The following HPSE2 variants were observed in gnomAD, a reference collection of about 807,000 sequenced individuals.
HPSE2 encodes the protein inactive heparanase-2.
A neutral mutation model predicts 60.5 loss-of-function variants in HPSE2; 38 were observed. The observed-to-expected ratio is 0.63, with a 90% CI of 0.48 to 0.82. The LOEUF is 0.82. HPSE2 is among the 40% of genes least tolerant of loss of function. The pLI is 0.00. For missense variants in HPSE2, 713 were observed against 740.4 expected, an observed-to-expected ratio of 0.96 and a Z score of 0.43; for synonymous variants, 295 against 293.2, an observed-to-expected ratio of 1.01 and a Z score of -0.06.
chr10:99,081,801 T>C (rs1425964145), intron 3 of HPSE2, among the ~76,000 whole-genome samples: 1 of 152,016 alleles, frequency 6.6e-6, no homozygotes, highest in Non-Finnish European at 1.5e-5. Flanking sequence ...CATGCCTGGC[T>C]AATTTTTTGT....
chr10:98,555,837 A>G (rs751480180), intron 9 of HPSE2, among the ~76,000 whole-genome samples: 3 of 152,226 alleles, frequency 2.0e-5, no homozygotes, highest in Non-Finnish European at 4.4e-5. Flanking sequence ...GCCATTATCA[A>G]TGAAGCAAGT....
At chr10:99,065,984 C>CATAAGTACAAGGCATAAAGTGA (rs1842602895) in intron 3 of HPSE2, among the ~76,000 whole-genome samples, 1 of 151,132 alleles carries the variant, frequency 6.6e-6, no homozygotes, top group Non-Finnish European at 1.5e-5. Context: ...CACAGAAATC[C>CATAAGTACAAGGCATAAAGTGA]ATAAGTACAA....
At chr10:99,206,948 T>C (rs1181145284) in intron 2 of HPSE2, among the ~76,000 whole-genome samples, 1 of 151,620 alleles carries the variant, frequency 6.6e-6, no homozygotes, top group African/African-American at 2.4e-5. Flanking sequence ...GGTATAAGAG[T>C]TCAAAAAGAA....
intron 9 of HPSE2, among the ~76,000 whole-genome samples, chr10:98,531,495 C>T (rs1484876213): frequency 6.6e-6 from 1 of 152,122 alleles, no homozygotes; most frequent in Non-Finnish European, 1.5e-5. Context: ...ATCTACTGTA[C>T]TCTGGGCCTG....
intron 3 of HPSE2, chr10:99,048,023 G>T: frequency 1.5e-6 from 1 of 688,002 alleles, no homozygotes; most frequent in Non-Finnish European, 2.6e-6. Flanking sequence ...CAACAAGGCT[G>T]CAATTAATAT....
intron 5 of HPSE2, among the ~76,000 whole-genome samples, chr10:98,703,446 T>C (rs1221922282): frequency 2.0e-5 from 3 of 150,042 alleles, no homozygotes; most frequent in African/African-American, 4.9e-5. Flanking sequence ...GCCAGCATCA[T>C]CCTGATACCA....
intron 11 of HPSE2, chr10:98,461,870 T>G (rs533846709): frequency 7.7e-7 from 1 of 1,304,442 alleles, no homozygotes; most frequent in South Asian, 1.3e-5. Context: ...AAATCTATAC[T>G]AATAAGGAGT....
chr10:98,501,398 T>A (rs1318871307), intron 9 of HPSE2, among the ~76,000 whole-genome samples: 1 of 152,184 alleles, frequency 6.6e-6, no homozygotes, highest in Non-Finnish European at 1.5e-5. Flanking sequence ...GTTTATCATA[T>A]GCAAGTCAAT....
intron 2 of HPSE2, among the ~76,000 whole-genome samples, chr10:99,172,699 G>A (rs1011074384): frequency 5.3e-5 from 8 of 152,138 alleles, no homozygotes; most frequent in African/African-American, 1.2e-4. Flanking sequence ...CCAACGCGGT[G>A]AAAACCTGTC....
chr10:98,535,015 C>T (rs560897425), intron 9 of HPSE2, among the ~76,000 whole-genome samples: 14 of 152,228 alleles, frequency 9.2e-5, no homozygotes, highest in South Asian at 6.2e-4. Context: ...CCCTTCCACC[C>T]GCCTCTCAGA....
intron 3 of HPSE2, among the ~76,000 whole-genome samples, chr10:99,037,678 G>A (rs973088823): frequency 6.6e-6 from 1 of 151,902 alleles, no homozygotes; most frequent in Non-Finnish European, 1.5e-5. Context: ...GAAATAAAAT[G>A]AGAGAAGACT....
chr10:99,128,971 C>T (rs770224593), intron 3 of HPSE2, among the ~76,000 whole-genome samples: 6 of 152,000 alleles, frequency 3.9e-5, no homozygotes, highest in Admixed American at 6.6e-5. Context: ...CCCATGCAAA[C>T]GGACACCAAA....
intron 3 of HPSE2, among the ~76,000 whole-genome samples, chr10:98,836,010 C>G (rs1237199710): frequency 6.6e-6 from 1 of 152,096 alleles, no homozygotes; most frequent in Non-Finnish European, 1.5e-5. Context: ...TTACAGCAAT[C>G]GATCAAAAGG....
chr10:98,519,407 A>G (rs901742637), intron 9 of HPSE2, among the ~76,000 whole-genome samples: 3 of 152,212 alleles, frequency 2.0e-5, no homozygotes, highest in African/African-American at 7.2e-5. Flanking sequence ...AAAGGAGTAC[A>G]AGCCCCTGTG....
intron 3 of HPSE2, among the ~76,000 whole-genome samples, chr10:99,031,203 T>C (rs1287219871): frequency 6.6e-6 from 1 of 152,172 alleles, no homozygotes; most frequent in African/African-American, 2.4e-5. Context: ...TTCTCCAAGA[T>C]GTGCTTATTT....
intron 3 of HPSE2, among the ~76,000 whole-genome samples, chr10:98,960,169 T>C (rs1955615448): frequency 1.3e-5 from 2 of 152,150 alleles, no homozygotes; most frequent in Non-Finnish European, 2.9e-5. Flanking sequence ...AGAAAGTTAT[T>C]CTATTTTCAT....
chr10:99,308,398 G>GAAAAAAAAAAAAAAAAAAAAAAAAAAAAA, the HPSE2 span, among the ~76,000 whole-genome samples: 129 of 56,366 alleles, frequency 2.3e-3, no homozygotes, highest in Non-Finnish European at 2.7e-3. Context: ...AAAAAAAAAG[G>GAAAAAAAAAAAAAAAAAAAAAAAAAAAAA]AAACCATCAA....
intron 9 of HPSE2, among the ~76,000 whole-genome samples, chr10:98,493,267 G>T (rs1941718583): frequency 6.6e-6 from 1 of 152,164 alleles, no homozygotes; most frequent in African/African-American, 2.4e-5. Flanking sequence ...GAGAAAAAAT[G>T]TATATGCTAT....
intron 8 of HPSE2, among the ~76,000 whole-genome samples, chr10:98,617,164 A>T (rs754633962): frequency 7.2e-5 from 11 of 152,202 alleles, no homozygotes; most frequent in Non-Finnish European, 1.3e-4. Flanking sequence ...CAGCATCTTC[A>T]TGTCAATACA....
Sources: allele counts gnomAD v4.1 joint callset (sites outside exome capture counted in the v4.1 genomes callset), GRCh38; gene constraint gnomAD v4.1.1; transcripts MANE v1.5; gene names NCBI Gene and HGNC (gene_info 2026-07-23, HGNC 2026-07-21).